ZBTB7C: variants seen among roughly 807,000 people sequenced by gnomAD.
ZBTB7C encodes the protein zinc finger and BTB domain containing 7C, also known as zinc finger and BTB domain-containing protein 7C.
A neutral mutation model predicts 25.7 loss-of-function variants in ZBTB7C; 8 were observed. That is an observed-to-expected ratio of 0.31 (90% CI 0.18 to 0.56). ZBTB7C has a LOEUF of 0.56. Ranked by LOEUF, ZBTB7C falls within the 20% of genes least tolerant of loss-of-function variation. The probability of loss-of-function intolerance (pLI) is 0.91; values close to 1 mark genes in which losing one functional copy is unlikely to be tolerated. For missense variants in ZBTB7C, 824 were observed against 855.2 expected (o/e 0.96, Z 0.46); for synonymous variants, 394 against 369.0 (o/e 1.07, Z -0.78).
rs193058031 is a variant in ZBTB7C at position 48,401,075 on chromosome 18, G to A, written c.-304+8151C>T. On this transcript the variant is annotated intron_variant, in intron 1 of 4. Coordinates refer to ENST00000590800, the MANE Select transcript of ZBTB7C (RefSeq NM_001318841.2). ...TCTCCTTCCGTTCAAGGTAGGGAAG[G>A]AGGGAGGGATCCTAGCACCCCTCAA... is the stretch of plus-strand genomic sequence containing the variant. Among the ~76,000 whole-genome samples the A allele has an allele frequency of 1.6e-3, 249 of 152,326 alleles. 3 individuals carry two copies. Among genetic ancestry groups the A allele is most frequent in the Non-Finnish European group, 3.1e-3 (208 of 68,028 alleles).
At chr18:48,113,620 A>G (rs1460392682) in intron 3 of ZBTB7C, among the ~76,000 whole-genome samples, 1 of 152,236 alleles carries the variant, frequency 6.6e-6, no homozygotes, top group Non-Finnish European at 1.5e-5. Flanking sequence ...AAGAAAATCC[A>G]CAGGTCTTGT....
intron 3 of ZBTB7C, among the ~76,000 whole-genome samples, chr18:48,120,175 G>A (rs2039581760): frequency 6.6e-6 from 1 of 152,176 alleles, no homozygotes; most frequent in Admixed American, 6.5e-5. Context: ...CCATTGAGGA[G>A]TTGGAAGCAG....
At chr18:48,364,463 G>T (rs922066810) in intron 1 of ZBTB7C, among the ~76,000 whole-genome samples, 2 of 152,154 alleles carry the variant, frequency 1.3e-5, no homozygotes, top group Non-Finnish European at 2.9e-5. Context: ...GGAAATTCCA[G>T]ATGGGAGCAC....
At chr18:48,043,994 G>A (rs1367531283) in intron 3 of ZBTB7C, among the ~76,000 whole-genome samples, 2 of 152,080 alleles carry the variant, frequency 1.3e-5, no homozygotes. Flanking sequence ...ACCTAGAAGA[G>A]GAGAAGGATC....
intron 2 of ZBTB7C, among the ~76,000 whole-genome samples, chr18:48,308,115 G>A (rs548188328): frequency 2.8e-4 from 43 of 152,116 alleles, no homozygotes; most frequent in Non-Finnish European, 4.6e-4. Context: ...AGCCATGTAT[G>A]GCCATGTGAG....
At chr18:48,126,583 G>T (rs573916692) in intron 3 of ZBTB7C, among the ~76,000 whole-genome samples, 3 of 152,224 alleles carry the variant, frequency 2.0e-5, no homozygotes, top group Non-Finnish European at 4.4e-5. Context: ...GTTACATGGG[G>T]ACACCTGCTT....
chr18:48,220,824 G>A (rs2042932447), intron 2 of ZBTB7C, among the ~76,000 whole-genome samples: 1 of 152,110 alleles, frequency 6.6e-6, no homozygotes, highest in African/African-American at 2.4e-5. Flanking sequence ...GAGGCACAGA[G>A]GGGTCAAGTC....
In ZBTB7C at chr18:48,374,770, G is replaced by C. The variant is rs73435286; in HGVS notation, c.-304+34456C>G. On this transcript the variant is annotated intron_variant, in intron 1 of 4. Coordinates refer to ENST00000590800, the MANE Select transcript of ZBTB7C (RefSeq NM_001318841.2). ...ATTTTAGCCAACAAACAGGCAGTGG[G>C]ACAGACATCTGGTCAGTGGTGATGG... Among the ~76,000 whole-genome samples the C allele has an allele frequency of 5.5e-3, 833 of 152,306 alleles. 7 individuals carry two copies. Among genetic ancestry groups the C allele is most frequent in the African/African-American group, 0.019 (802 of 41,562 alleles).
At chr18:48,377,453 A>T (rs1395382306) in intron 1 of ZBTB7C, among the ~76,000 whole-genome samples, 1 of 152,238 alleles carries the variant, frequency 6.6e-6, no homozygotes, top group Non-Finnish European at 1.5e-5. Context: ...TGACATTTGA[A>T]CTGGTCCTAA....
At chr18:48,167,563 G>GGTGTGTGTGTGTGTTTGTGTGT (rs1555705397) in intron 3 of ZBTB7C, among the ~76,000 whole-genome samples, 3 of 142,484 alleles carry the variant, frequency 2.1e-5, no homozygotes, top group African/African-American at 7.9e-5. Context: ...GCATTGCTAG[G>GGTGTGTGTGTGTGTTTGTGTGT]GTGTGTGTGT....
At chr18:48,393,460 C>A (rs2047950304) in intron 1 of ZBTB7C, among the ~76,000 whole-genome samples, 1 of 152,104 alleles carries the variant, frequency 6.6e-6, no homozygotes, top group African/African-American at 2.4e-5. Context: ...AAGTCAGTCA[C>A]TGAATTGTAC....
At chr18:48,355,009 C>T (rs576591838) in intron 1 of ZBTB7C, among the ~76,000 whole-genome samples, 55 of 152,318 alleles carry the variant, frequency 3.6e-4, no homozygotes, top group Admixed American at 3.3e-3. Flanking sequence ...CATGGTGGTA[C>T]TCCACCTCTG....
chr18:48,181,489 C>T (rs946952320), intron 3 of ZBTB7C, among the ~76,000 whole-genome samples: 8 of 152,092 alleles, frequency 5.3e-5, no homozygotes, highest in African/African-American at 1.9e-4. Context: ...TCTCCTGGTA[C>T]CCCCATGTTA....
intron 3 of ZBTB7C, among the ~76,000 whole-genome samples, chr18:48,180,728 G>A (rs2041895620): frequency 6.6e-6 from 1 of 152,196 alleles, no homozygotes; most frequent in African/African-American, 2.4e-5. Flanking sequence ...ACCAGGATCA[G>A]GTATCTTAGT....
At chr18:48,266,117 G>A (rs1208915174) in intron 2 of ZBTB7C, among the ~76,000 whole-genome samples, 1 of 152,182 alleles carries the variant, frequency 6.6e-6, no homozygotes, top group Non-Finnish European at 1.5e-5. Context: ...TGCCTTTTCT[G>A]TAAGTTTGAG....
At chr18:48,210,995 A>G (rs939406751) in intron 2 of ZBTB7C, among the ~76,000 whole-genome samples, 14 of 152,302 alleles carry the variant, frequency 9.2e-5, no homozygotes, top group African/African-American at 3.4e-4. Flanking sequence ...AATAATAGAC[A>G]AATAGATCAA....
At chr18:48,319,772 A>G (rs935316702) in intron 2 of ZBTB7C, among the ~76,000 whole-genome samples, 1 of 152,216 alleles carries the variant, frequency 6.6e-6, no homozygotes, top group Non-Finnish European at 1.5e-5. Context: ...TGCTTATTAC[A>G]TTAATAAAAA....
chr18:48,036,959 G>C (rs1024163397), intron 4 of ZBTB7C, among the ~76,000 whole-genome samples: 5 of 152,236 alleles, frequency 3.3e-5, no homozygotes, highest in African/African-American at 1.2e-4. Flanking sequence ...TCCAGAGATG[G>C]GGTGAGAAGC....
At chr18:48,166,521 C>T (rs77343995) in intron 3 of ZBTB7C, among the ~76,000 whole-genome samples, 4,595 of 152,192 alleles carry the variant, frequency 0.03, 203 homozygotes, top group African/African-American at 0.099. Flanking sequence ...GTGGGAGTCC[C>T]AACATGAGTG....
Sources: gnomAD v4.1 joint callset for allele counts (sites outside exome capture counted in the v4.1 genomes callset) on GRCh38, gnomAD v4.1.1 for gene constraint, MANE v1.5 for transcripts, NCBI Gene and HGNC (gene_info 2026-07-23, HGNC 2026-07-21) for gene names.